The following WASF2 variants were observed in gnomAD, a reference collection of about 807,000 sequenced individuals.
WASF2 encodes WASP family member 2, also known as actin-binding protein WASF2.
A neutral mutation model predicts 45.0 loss-of-function variants in WASF2; 14 were observed. The observed-to-expected ratio is 0.31, with a 90% CI of 0.21 to 0.49. The LOEUF (loss-of-function observed/expected upper bound fraction) is 0.49, where lower values mean the gene tolerates loss of function less well. Among genes scored for constraint, WASF2 ranks in the 20% least tolerant of loss-of-function variants. The pLI is 0.99. For synonymous variants in WASF2, 200 were observed against 236.3 expected (o/e 0.85, Z 1.41); for missense variants, 439 against 636.1 (o/e 0.69, Z 3.33).
At chr1:27,487,889 A>G (rs1394568524) in intron 1 of WASF2, among the ~76,000 whole-genome samples, 2 of 149,868 alleles carry the variant, frequency 1.3e-5, no homozygotes, top group South Asian at 2.1e-4. Flanking sequence ...AAATGCTCTG[A>G]TTTTTAAACA....
chr1:27,408,039 G>T lies in WASF2; in HGVS notation c.*150C>A. 3 of 885,812 alleles carry T rather than the reference G, an allele frequency of 3.4e-6. No homozygotes were observed. The highest frequency in any genetic ancestry group is 5.0e-6 in the Non-Finnish European group (3 of 597,092). The allele number at this position is 885,812 out of a possible 1,614,324, so 54.9% of individuals were successfully genotyped here. A position where few individuals can be genotyped will look rare whatever the true frequency, so the allele number is the denominator to read the frequency against. On this transcript the variant is annotated 3_prime_UTR_variant, in exon 9 of 9. Coordinates refer to ENST00000618852, the MANE Select transcript of WASF2 (RefSeq NM_006990.5). ...ACATGTTGACTTGGAGGAAGCACTT[G>T]GATATATCTTTGGTTGCTTCAGGGA...
chr1:27,457,829 C>T (rs1303192931), intron 1 of WASF2, among the ~76,000 whole-genome samples: 1 of 151,824 alleles, frequency 6.6e-6, no homozygotes, highest in African/African-American at 2.4e-5. Context: ...ACTATTTTGC[C>T]CAGGCTGGTC....
intron 2 of WASF2, among the ~76,000 whole-genome samples, chr1:27,422,857 G>A (rs2016928164): frequency 6.6e-6 from 1 of 152,052 alleles, no homozygotes; most frequent in African/African-American, 2.4e-5. Flanking sequence ...AAATACCTAA[G>A]GCCAGACACG....
intron 1 of WASF2, among the ~76,000 whole-genome samples, chr1:27,441,400 G>A (rs979776982): frequency 6.6e-6 from 1 of 151,758 alleles, no homozygotes; most frequent in East Asian, 2.0e-4. Flanking sequence ...GGCCGAGGTG[G>A]GTGGATCACT....
chr1:27,477,920 A>AAAT (rs2017790767), intron 1 of WASF2, among the ~76,000 whole-genome samples: 1 of 90,834 alleles, frequency 1.1e-5, no homozygotes, highest in Non-Finnish European at 1.9e-5. Flanking sequence ...ATAAATAAAT[A>AAAT]AAAAAAAAAA....
intron 1 of WASF2, among the ~76,000 whole-genome samples, chr1:27,439,288 T>C (rs2017177098): frequency 6.6e-6 from 1 of 151,970 alleles, no homozygotes; most frequent in Non-Finnish European, 1.5e-5. Context: ...TAGCACAGAA[T>C]AATTAAAACA....
chr1:27,436,582 T>C (rs2148116166), intron 1 of WASF2, among the ~76,000 whole-genome samples: 1 of 152,376 alleles, frequency 6.6e-6, no homozygotes, highest in Admixed American at 6.5e-5. Context: ...GAAATTTAAG[T>C]CTGTATATTA....
chr1:27,464,347 T>C (rs1002790293), intron 1 of WASF2, among the ~76,000 whole-genome samples: 5 of 151,860 alleles, frequency 3.3e-5, no homozygotes, highest in East Asian at 3.9e-4. Context: ...GATCACACCA[T>C]TGCACTCTAG....
Position 27,408,146 on chromosome 1 carries a change from G to A in WASF2, c.*43C>T. 1 of 1,595,350 alleles carries A rather than the reference G, an allele frequency of 6.3e-7. No individual in the cohort carries two copies. On this transcript the variant is annotated 3_prime_UTR_variant, in exon 9 of 9. Coordinates refer to ENST00000618852, the MANE Select transcript of WASF2 (RefSeq NM_006990.5). The stretch of plus-strand genomic sequence containing the variant: ...TTGGGGTTGGCATCAAAGAAGGCAG[G>A]TAGGAAGGAAAGAAAAAGAAGGTGG...
At chr1:27,481,253 G>A (rs562675141) in intron 1 of WASF2, among the ~76,000 whole-genome samples, 7 of 151,366 alleles carry the variant, frequency 4.6e-5, no homozygotes, top group Admixed American at 6.6e-5. Context: ...GCAGTGAGCC[G>A]AGATCACGCC....
At chr1:27,483,491 C>A (rs971442376) in intron 1 of WASF2, among the ~76,000 whole-genome samples, 1 of 151,872 alleles carries the variant, frequency 6.6e-6, no homozygotes, top group Non-Finnish European at 1.5e-5. Flanking sequence ...ACAAAATTAG[C>A]CAGGCATGGT....
rs1439051154 is a variant in WASF2 at position 27,406,288 on chromosome 1, G to C, written c.*1901C>G. 6.6e-6 allele frequency: 1 copy of C among 152,498 alleles called. No homozygotes were observed. Among genetic ancestry groups the C allele is most frequent in the Non-Finnish European group, 1.5e-5 (1 of 68,104 alleles). 9.4% of individuals were successfully genotyped at this position (152,498 alleles called of 1,614,324 possible). A position where few individuals can be genotyped will look rare whatever the true frequency, so the allele number is the denominator to read the frequency against. ...CATGGAGCTTAGTGCCAAGTCCTGT[G>C]CCAGAGACACCTGATGTGTAAAGAG... On this transcript the variant is annotated 3_prime_UTR_variant, in exon 9 of 9. Coordinates refer to ENST00000618852, the MANE Select transcript of WASF2 (RefSeq NM_006990.5).
At chr1:27,473,956 C>T (rs2017729651) in intron 1 of WASF2, among the ~76,000 whole-genome samples, 1 of 152,132 alleles carries the variant, frequency 6.6e-6, no homozygotes, top group African/African-American at 2.4e-5. Flanking sequence ...TTTAGAGACA[C>T]CAATTCATCA....
chr1:27,489,447 G>A (rs1259492589), intron 1 of WASF2, among the ~76,000 whole-genome samples: 2 of 72,730 alleles, frequency 2.7e-5, no homozygotes, highest in Non-Finnish European at 4.7e-5. Context: ...ATTACTTCAT[G>A]GTACGTACAC....
chr1:27,484,796 A>G (rs1316575380), intron 1 of WASF2, among the ~76,000 whole-genome samples: 1 of 137,292 alleles, frequency 7.3e-6, no homozygotes, highest in Non-Finnish European at 1.5e-5. Flanking sequence ...TGGATGACAG[A>G]GCGAGACTCT....
At chr1:27,472,730 A>C (rs2017707621) in intron 1 of WASF2, among the ~76,000 whole-genome samples, 1 of 150,624 alleles carries the variant, frequency 6.6e-6, no homozygotes, top group South Asian at 2.1e-4. Context: ...TGGGAGGCCA[A>C]GGCAAGGATT....
intron 2 of WASF2, among the ~76,000 whole-genome samples, chr1:27,422,039 GAA>G (rs571828598): frequency 2.9e-5 from 4 of 140,096 alleles, no homozygotes; most frequent in African/African-American, 1.0e-4. Flanking sequence ...TCTGGAGGGG[GAA>G]AAAAAAAAAA....
chr1:27,477,466 G>A (rs2017780943), intron 1 of WASF2, among the ~76,000 whole-genome samples: 1 of 152,220 alleles, frequency 6.6e-6, no homozygotes, highest in Non-Finnish European at 1.5e-5. Context: ...CTTGAACCAG[G>A]CAGGTGGAAG....
intron 2 of WASF2, 128 bp from the exon 3 acceptor site, chr1:27,419,216 G>A (rs1449390867): frequency 7.0e-6 from 7 of 1,000,060 alleles, no homozygotes; most frequent in Admixed American, 2.3e-5. Context: ...ACCCTAAGAC[G>A]GTTTGGGCTA....
Sources: allele counts gnomAD v4.1 joint callset (sites outside exome capture counted in the v4.1 genomes callset), GRCh38; gene constraint gnomAD v4.1.1; transcripts MANE v1.5; gene names NCBI Gene and HGNC (gene_info 2026-07-23, HGNC 2026-07-21).